Variants in GRM7 observed in about 807,000 individuals in gnomAD.
GRM7 encodes metabotropic glutamate receptor 7.
In GRM7, 35 loss-of-function variants were observed where a neutral mutation model predicts 84.5. That is an observed-to-expected ratio of 0.41 (90% CI 0.32 to 0.55). GRM7 has a LOEUF of 0.55. Among genes scored for constraint, GRM7 ranks in the 20% least tolerant of loss-of-function variants. The probability of loss-of-function intolerance (pLI) is 0.19; values close to 1 mark genes in which losing one functional copy is unlikely to be tolerated. For synonymous variants in GRM7, 487 were observed against 455.1 expected (o/e 1.07, Z -0.89); for missense variants, 1,003 against 1,194.6 (o/e 0.84, Z 2.36).
intron 1 of GRM7, among the ~76,000 whole-genome samples, chr3:7,085,335 C>A (rs1403592093): frequency 6.6e-6 from 1 of 152,086 alleles, no homozygotes; most frequent in Non-Finnish European, 1.5e-5. Context: ...ATACATCTTT[C>A]TATTTAAAGA....
At chr3:7,141,448 A>G (rs1264506135) in intron 1 of GRM7, among the ~76,000 whole-genome samples, 1 of 152,082 alleles carries the variant, frequency 6.6e-6, no homozygotes, top group African/African-American at 2.4e-5. Context: ...CCAAATAGAT[A>G]AAAGTAGATA....
At chr3:7,636,371 C>T in intron 8 of GRM7, 3 of 450,348 alleles carry the variant, frequency 6.7e-6, no homozygotes, top group East Asian at 7.0e-5. Context: ...TTTTCCTGAG[C>T]ATCTAATGGT....
rs563645737 is a variant in GRM7, at chr3:6,953,350, G to A, written c.519+91443G>A. Among the ~76,000 whole-genome samples the A allele has an allele frequency of 5.9e-5, 9 of 152,282 alleles. 1 individual carries two copies. In the South Asian group the frequency reaches 1.9e-3, roughly 32 times the overall value. On this transcript the variant is annotated intron_variant, in intron 1 of 9. Transcript: ENST00000357716. ...GCCTTGGCAAGATCTAGATGCAGGA[G>A]GTTCTGGCAACTGTTGCCCTGACAA... is the stretch of plus-strand genomic sequence containing the variant.
Position 7,344,587 on chromosome 3 carries a change from G to A in GRM7, c.1033+37935G>A, listed in dbSNP as rs916263801. 3.3e-5 allele frequency among the ~76,000 whole-genome samples: 5 copies of A among 152,124 alleles called. No homozygotes were observed. In the South Asian group the frequency reaches 6.2e-4, roughly 19 times the overall value. ...CCTATGCAGATAATTTGCCCATTTA[G>A]TTGTAAAAAATTATATAAAAGCCTG... On this transcript the variant is annotated intron_variant, in intron 4 of 9. Transcript: ENST00000357716.
chr3:6,971,518 A>G (rs991801706), intron 1 of GRM7, among the ~76,000 whole-genome samples: 1 of 152,226 alleles, frequency 6.6e-6, no homozygotes, highest in Non-Finnish European at 1.5e-5. Context: ...TTTCTAGATT[A>G]CTACTGTCTA....
At chr3:7,504,189 A>G (rs193065470) in intron 7 of GRM7, among the ~76,000 whole-genome samples, 1 of 152,352 alleles carries the variant, frequency 6.6e-6, no homozygotes, top group Admixed American at 6.5e-5. Context: ...TAAGGATTTT[A>G]TTATCACAAG....
chr3:7,597,139 G>T (rs1696086683), intron 8 of GRM7, among the ~76,000 whole-genome samples: 1 of 152,098 alleles, frequency 6.6e-6, no homozygotes, highest in Non-Finnish European at 1.5e-5. Flanking sequence ...GGCAACATTT[G>T]CTTCTGGGGA....
chr3:7,281,623 A>G (rs1366219528), intron 2 of GRM7, among the ~76,000 whole-genome samples: 1 of 152,214 alleles, frequency 6.6e-6, no homozygotes, highest in Non-Finnish European at 1.5e-5. Context: ...TTCCCTTTAA[A>G]TAAACATCAA....
chr3:7,399,243 C>T (rs181879464), intron 4 of GRM7, among the ~76,000 whole-genome samples: 3 of 151,840 alleles, frequency 2.0e-5, no homozygotes, highest in Admixed American at 2.0e-4. Context: ...TGGAATCCAC[C>T]CTCTACCTTG....
intron 1 of GRM7, among the ~76,000 whole-genome samples, chr3:7,052,213 T>G (rs1274929371): frequency 6.6e-6 from 1 of 151,740 alleles, no homozygotes; most frequent in Non-Finnish European, 1.5e-5. Flanking sequence ...ATTTTCATTT[T>G]TAAAGATTCC....
intron 1 of GRM7, among the ~76,000 whole-genome samples, chr3:6,961,537 G>A (rs1693297096): frequency 1.3e-5 from 2 of 152,064 alleles, no homozygotes; most frequent in Non-Finnish European, 2.9e-5. Flanking sequence ...ACACCAACCA[G>A]AAATTCTACT....
At chr3:7,082,598 A>T (rs1189804485) in intron 1 of GRM7, among the ~76,000 whole-genome samples, 1 of 152,116 alleles carries the variant, frequency 6.6e-6, no homozygotes, top group Non-Finnish European at 1.5e-5. Context: ...AGTACATTTC[A>T]TAAAGCTATA....
intron 7 of GRM7, among the ~76,000 whole-genome samples, chr3:7,577,780 C>T (rs1018868464): frequency 6.6e-6 from 1 of 152,098 alleles, no homozygotes; most frequent in African/African-American, 2.4e-5. Flanking sequence ...CAATTAAAGC[C>T]TTCATTAGTA....
rs1318498537 is a variant in GRM7 at position 7,334,788 on chromosome 3, A to G, written c.1033+28136A>G. Among the ~76,000 whole-genome samples the G allele has an allele frequency of 6.8e-4, 104 of 152,176 alleles. 1 individual carries two copies. Among genetic ancestry groups the G allele is most frequent in the Non-Finnish European group, 1.3e-4 (9 of 68,028 alleles). On this transcript the variant is annotated intron_variant, in intron 4 of 9. Transcript: ENST00000357716. ...AGTAGCTATTCTTATATCAGACAAA[A>G]CAAACTTTAAAGCAACAACAGTTAG...
chr3:6,903,152 A>T (rs138911013), intron 1 of GRM7, among the ~76,000 whole-genome samples: 21 of 151,414 alleles, frequency 1.4e-4, no homozygotes, highest in African/African-American at 4.8e-4. Flanking sequence ...TACCTTATTA[A>T]TATTACCCTA....
intron 1 of GRM7, among the ~76,000 whole-genome samples, chr3:6,916,198 C>A (rs557237642): frequency 1.3e-5 from 2 of 152,238 alleles, no homozygotes; most frequent in South Asian, 4.1e-4. Flanking sequence ...AGACAGAGCT[C>A]ATGTAGTCAT....
chr3:7,721,351 T>C (rs1306208959), intron 9 of GRM7, among the ~76,000 whole-genome samples: 1 of 152,188 alleles, frequency 6.6e-6, no homozygotes, highest in East Asian at 1.9e-4. Context: ...TGGGGGAATG[T>C]GGGATTCTCA....
chr3:7,329,770 A>G (rs866440049), intron 4 of GRM7, among the ~76,000 whole-genome samples: 15 of 152,164 alleles, frequency 9.9e-5, no homozygotes, highest in Middle Eastern at 6.8e-3. Flanking sequence ...ACTTATGTTC[A>G]TATATCTGTG....
At chr3:7,552,429 C>T (rs2125027223) in intron 7 of GRM7, among the ~76,000 whole-genome samples, 1 of 152,318 alleles carries the variant, frequency 6.6e-6, no homozygotes, top group Middle Eastern at 3.4e-3. Context: ...CTGGGCAGTG[C>T]CACAATGGGG....
Sources: allele counts gnomAD v4.1 joint callset (sites outside exome capture counted in the v4.1 genomes callset), GRCh38; gene constraint gnomAD v4.1.1; transcripts MANE v1.5; gene names NCBI Gene and HGNC (gene_info 2026-07-23, HGNC 2026-07-21).